Variants in FRMD5 observed in about 807,000 individuals in gnomAD.
FRMD5 encodes the protein FERM domain containing 5.
FRMD5 carries 20 observed loss-of-function variants against 69.0 expected under a neutral mutation model. The ratio of observed to expected loss-of-function variants is 0.29; its 90% confidence interval spans 0.20 to 0.42. FRMD5 has a LOEUF of 0.42. Among genes scored for constraint, FRMD5 ranks in the 10% least tolerant of loss-of-function variants. The pLI, the probability that FRMD5 is intolerant of heterozygous loss-of-function variation, is 1.00. For missense variants in FRMD5, 595 were observed against 708.6 expected (o/e 0.84, Z 1.82); for synonymous variants, 271 against 260.1 (o/e 1.04, Z -0.40).
At chr15:43,995,203 C>T (rs1047953286) in intron 1 of FRMD5, among the ~76,000 whole-genome samples, 2 of 152,132 alleles carry the variant, frequency 1.3e-5, no homozygotes, top group African/African-American at 2.4e-5. Context: ...ACTAGTAGTA[C>T]CTAATACAAA....
At chr15:44,078,847 G>A (rs998412386) in intron 1 of FRMD5, among the ~76,000 whole-genome samples, 1 of 151,822 alleles carries the variant, frequency 6.6e-6, no homozygotes, top group Non-Finnish European at 1.5e-5. Flanking sequence ...GAAAACATAG[G>A]GAAAAAATTT....
chr15:43,886,435 T>C (rs2088665508), intron 10 of FRMD5, among the ~76,000 whole-genome samples: 1 of 152,188 alleles, frequency 6.6e-6, no homozygotes, highest in Non-Finnish European at 1.5e-5. Context: ...TTATATCTCG[T>C]TTGAAGCTGC....
chr15:44,045,426 G>A (rs1197291304), intron 1 of FRMD5, among the ~76,000 whole-genome samples: 1 of 152,078 alleles, frequency 6.6e-6, no homozygotes, highest in Non-Finnish European at 1.5e-5. Flanking sequence ...CCTCTCTGGA[G>A]TATCTTGACT....
chr15:44,151,968 A>G (rs2077454184), intron 1 of FRMD5, among the ~76,000 whole-genome samples: 1 of 152,176 alleles, frequency 6.6e-6, no homozygotes, highest in Non-Finnish European at 1.5e-5. Context: ...TCAGCACTTT[A>G]GGAGGCCGCG....
chr15:43,948,032 CACT>C (rs1451796840), intron 1 of FRMD5, among the ~76,000 whole-genome samples: 11 of 152,144 alleles, frequency 7.2e-5, no homozygotes, highest in Admixed American at 1.3e-4. Flanking sequence ...CTGTGTTAAG[CACT>C]GTGCATGTAT....
chr15:43,872,899 C>CT lies in FRMD5; in HGVS notation c.*985dup. 2.6e-6 allele frequency: 1 copy of CT among 384,784 alleles called. No homozygotes were observed. The highest frequency in any genetic ancestry group is 3.8e-5 in the East Asian group (1 of 26,122). The allele number at this position is 384,784 out of a possible 1,614,324, so 23.8% of individuals were successfully genotyped here. ...TTGTTAAAATATAAATTGAAATAGTCTTTGGGTCAAGGGGGTGTATATAAA... is the reference window on the plus strand; with the variant it reads ...TTGTTAAAATATAAATTGAAATAGTCTTTTGGGTCAAGGGGGTGTATATAAA... On this transcript the variant is annotated 3_prime_UTR_variant, in exon 14 of 14. Coordinates refer to ENST00000417257, the MANE Select transcript of FRMD5 (RefSeq NM_032892.5).
At chr15:43,985,232 G>A (rs1889333947) in intron 1 of FRMD5, among the ~76,000 whole-genome samples, 1 of 129,978 alleles carries the variant, frequency 7.7e-6, no homozygotes, top group Admixed American at 1.0e-4. Context: ...AGTGAGCCGA[G>A]ATCGGACCAC....
intron 1 of FRMD5, among the ~76,000 whole-genome samples, chr15:44,037,005 A>G (rs115483646): frequency 6.6e-6 from 1 of 151,790 alleles, no homozygotes; most frequent in African/African-American, 2.4e-5. Context: ...TTTTTTTAAT[A>G]CTTTAAGTTC....
chr15:43,992,883 G>A (rs1889752790), intron 1 of FRMD5, among the ~76,000 whole-genome samples: 1 of 151,872 alleles, frequency 6.6e-6, no homozygotes, highest in Non-Finnish European at 1.5e-5. Flanking sequence ...TTCTTTTTTT[G>A]ATGTAGATGT....
intron 6 of FRMD5, among the ~76,000 whole-genome samples, chr15:43,903,186 C>G (rs1485660668): frequency 6.6e-6 from 1 of 152,218 alleles, no homozygotes; most frequent in Non-Finnish European, 1.5e-5. Flanking sequence ...GGTCCAGAGC[C>G]CTGCAAAGCA....
At chr15:43,929,575 T>C (rs971849563) in intron 1 of FRMD5, among the ~76,000 whole-genome samples, 2 of 152,092 alleles carry the variant, frequency 1.3e-5, no homozygotes, top group Admixed American at 1.3e-4. Context: ...CTGGCCTTGG[T>C]TTCACGGGCC....
At chr15:44,008,971 A>G (rs987200154) in intron 1 of FRMD5, among the ~76,000 whole-genome samples, 10 of 152,074 alleles carry the variant, frequency 6.6e-5, no homozygotes, top group Non-Finnish European at 1.2e-4. Flanking sequence ...GCTTGCAGTG[A>G]GCCGAGATTG....
intron 1 of FRMD5, among the ~76,000 whole-genome samples, chr15:43,948,457 T>TA (rs1566854507): frequency 7.2e-6 from 1 of 139,838 alleles, no homozygotes; most frequent in Non-Finnish European, 1.5e-5. Flanking sequence ...GTTAAAGAAT[T>TA]AAAAATCTGT....
intron 1 of FRMD5, among the ~76,000 whole-genome samples, chr15:43,935,349 T>A (rs2089741814): frequency 6.6e-6 from 1 of 152,086 alleles, no homozygotes; most frequent in East Asian, 1.9e-4. Context: ...CCGGGTGTGG[T>A]GGCGGGTGCT....
chr15:43,977,188 T>C (rs2090477204), intron 1 of FRMD5, among the ~76,000 whole-genome samples: 1 of 151,934 alleles, frequency 6.6e-6, no homozygotes, highest in Non-Finnish European at 1.5e-5. Flanking sequence ...AGGTTGGAAC[T>C]GCAGGGGGCT....
At chr15:44,004,085 T>C (rs1209686755) in intron 1 of FRMD5, among the ~76,000 whole-genome samples, 1 of 152,260 alleles carries the variant, frequency 6.6e-6, no homozygotes, top group Non-Finnish European at 1.5e-5. Flanking sequence ...AACAATTTGA[T>C]TTTTAATCTA....
chr15:44,104,718 T>C (rs1278718328), intron 1 of FRMD5, among the ~76,000 whole-genome samples: 1 of 152,162 alleles, frequency 6.6e-6, no homozygotes, highest in African/African-American at 2.4e-5. Flanking sequence ...GTATATATAG[T>C]AGGCTATGCC....
chr15:44,006,054 G>T (rs182271789), intron 1 of FRMD5, among the ~76,000 whole-genome samples: 3 of 152,314 alleles, frequency 2.0e-5, no homozygotes, highest in Admixed American at 2.0e-4. Flanking sequence ...GACTTTCATA[G>T]ATGGAGTAAA....
Position 44,195,141 on chromosome 15 carries a change from C to G in FRMD5, c.-87G>C, listed in dbSNP as rs888249125. 2 of 1,057,508 alleles carry G rather than the reference C, an allele frequency of 1.9e-6. No homozygotes were observed. The highest frequency in any genetic ancestry group is 5.4e-5 in the Admixed American group (2 of 37,098). The allele number at this position is 1,057,508 out of a possible 1,614,324, so 65.5% of individuals were successfully genotyped here. ...TCAGCCCGGCAGCTCCGCACCGACC[C>G]CAGGCACCTGCACCATCACCCCGGC... is the stretch of plus-strand genomic sequence containing the variant. On this transcript the variant is annotated 5_prime_UTR_variant, in exon 1 of 14. Transcript: ENST00000417257.
Sources: gnomAD v4.1 joint callset for allele counts (sites outside exome capture counted in the v4.1 genomes callset) on GRCh38, gnomAD v4.1.1 for gene constraint, MANE v1.5 for transcripts, NCBI Gene and HGNC (gene_info 2026-07-23, HGNC 2026-07-21) for gene names.